Variants in UNC13C observed in about 807,000 individuals in gnomAD.
UNC13C encodes the protein unc-13 homolog C, also known as protein unc-13 homolog C.
UNC13C carries 174 observed loss-of-function variants against 245.4 expected under a neutral mutation model. The observed-to-expected ratio is 0.71, with a 90% CI of 0.63 to 0.80. The LOEUF (loss-of-function observed/expected upper bound fraction) is 0.80. Ranked by LOEUF, UNC13C falls within the 30% of genes least tolerant of loss-of-function variation. UNC13C has a pLI of 0.00. For missense variants in UNC13C, 2,829 were observed against 2,602.9 expected, an observed-to-expected ratio of 1.09 and a Z score of -1.89; for synonymous variants, 992 against 895.1, an observed-to-expected ratio of 1.11 and a Z score of -1.93.
chr15:54,450,359 G>T (rs1476668322), intron 19 of UNC13C, among the ~76,000 whole-genome samples: 1 of 152,234 alleles, frequency 6.6e-6, no homozygotes, highest in African/African-American at 2.4e-5. Flanking sequence ...GCTATGCCCT[G>T]CCCCCAGAGG....
chr15:53,905,094 A>C, the UNC13C span, among the ~76,000 whole-genome samples: 8 of 152,154 alleles, frequency 5.3e-5, no homozygotes, highest in Non-Finnish European at 2.9e-5. Context: ...GCTTAAGTTT[A>C]GGTTTTAAAA....
the UNC13C span, among the ~76,000 whole-genome samples, chr15:53,930,595 A>G: frequency 6.6e-6 from 1 of 152,224 alleles, no homozygotes; most frequent in East Asian, 1.9e-4. Context: ...TGGTACTTAT[A>G]AAACACCCTA....
At chr15:54,203,737 C>CATATATATGTATATATACACATATAT (rs1366216842) in intron 4 of UNC13C, among the ~76,000 whole-genome samples, 1 of 100,504 alleles carries the variant, frequency 9.9e-6, no homozygotes, top group African/African-American at 3.0e-5. Context: ...TACACATATA[C>CATATATATGTATATATACACATATAT]ATATATATGT....
rs1427898440 is a variant in UNC13C at position 54,628,288 on chromosome 15, A to C, written c.*1175A>C. 6.6e-6 allele frequency: 1 copy of C among 152,246 alleles called. No individual in the cohort carries two copies. The highest frequency in any genetic ancestry group is 1.9e-4 in the East Asian group (1 of 5,196). The allele number at this position is 152,246 out of a possible 1,614,324, so 9.4% of individuals were successfully genotyped here. ...GACTTTTTAGAGTCTATGCCAAAAT[A>C]TATGGCTGTAAAACAGTACTTTGTA... On this transcript the variant is annotated 3_prime_UTR_variant, in exon 33 of 33. Coordinates refer to ENST00000260323, the MANE Select transcript of UNC13C (RefSeq NM_001080534.3).
intron 17 of UNC13C, among the ~76,000 whole-genome samples, chr15:54,342,431 G>C (rs1021092678): frequency 1.3e-5 from 2 of 151,778 alleles, no homozygotes; most frequent in Admixed American, 1.3e-4. Flanking sequence ...TGTGTATGGT[G>C]GTATGTGTCT....
At chr15:54,045,381 C>T (rs1397352859) in intron 2 of UNC13C, among the ~76,000 whole-genome samples, 1 of 152,148 alleles carries the variant, frequency 6.6e-6, no homozygotes, top group African/African-American at 2.4e-5. Context: ...ACACATTTTT[C>T]TTAAAAGATA....
At chr15:53,883,105 A>G in the UNC13C span, among the ~76,000 whole-genome samples, 4 of 152,210 alleles carry the variant, frequency 2.6e-5, no homozygotes, top group Admixed American at 1.3e-4. Context: ...CACTATAGCT[A>G]CCACACCAGA....
the UNC13C span, among the ~76,000 whole-genome samples, chr15:53,949,816 A>C: frequency 1.3e-5 from 2 of 152,212 alleles, no homozygotes; most frequent in Admixed American, 1.3e-4. Flanking sequence ...CAAGATTCTT[A>C]TGTATACTAA....
chr15:54,520,814 A>G (rs1251545051), intron 24 of UNC13C, among the ~76,000 whole-genome samples: 1 of 152,212 alleles, frequency 6.6e-6, no homozygotes, highest in Non-Finnish European at 1.5e-5. Context: ...AGCAAGCCAC[A>G]TTGCAGAGAA....
At chr15:54,282,926 A>G (rs2037037060) in intron 10 of UNC13C, among the ~76,000 whole-genome samples, 1 of 152,192 alleles carries the variant, frequency 6.6e-6, no homozygotes, top group African/African-American at 2.4e-5. Context: ...TGGGGTCTTT[A>G]TAGGCACAGG....
intron 2 of UNC13C, among the ~76,000 whole-genome samples, chr15:54,032,370 G>C (rs1566963063): frequency 6.6e-6 from 1 of 152,158 alleles, no homozygotes. Flanking sequence ...TGCTTGGACA[G>C]GCCTAACAGC....
chr15:54,514,113 C>T (rs751648301), intron 24 of UNC13C, among the ~76,000 whole-genome samples: 5 of 152,148 alleles, frequency 3.3e-5, no homozygotes, highest in Admixed American at 3.3e-4. Context: ...AAATAATAAG[C>T]AGAGTTCTTC....
chr15:54,305,443 A>G (rs904504866), intron 13 of UNC13C, among the ~76,000 whole-genome samples: 3 of 152,076 alleles, frequency 2.0e-5, no homozygotes, highest in African/African-American at 4.8e-5. Context: ...TTTTAAAATG[A>G]TGCTTTTGCA....
intron 4 of UNC13C, among the ~76,000 whole-genome samples, chr15:54,197,766 A>T (rs1416582324): frequency 6.6e-6 from 1 of 152,150 alleles, no homozygotes; most frequent in African/African-American, 2.4e-5. Context: ...TACTCACATC[A>T]TGAACTTTTG....
At position 54,127,651 on chromosome 15, in the gene UNC13C, C is replaced by T. The variant is rs28767265; in HGVS notation, c.2984-15367C>T. On this transcript the variant is annotated intron_variant, in intron 2 of 32. Transcript: ENST00000260323. ...AGCAAACCACCATGACACATGTATA[C>T]CTATGTAACAAACCTGCACATTCTG... Among the ~76,000 whole-genome samples, 1,327 of 150,476 alleles carry T rather than the reference C, an allele frequency of 8.8e-3. 25 individuals carry two copies. The highest frequency in any genetic ancestry group is 0.031 in the African/African-American group (1,286 of 40,966).
chr15:54,488,969 A>G (rs1315290454), intron 19 of UNC13C, among the ~76,000 whole-genome samples: 1 of 152,182 alleles, frequency 6.6e-6, no homozygotes, highest in African/African-American at 2.4e-5. Flanking sequence ...AACGCAGTCT[A>G]CCACTAAGCA....
intron 17 of UNC13C, among the ~76,000 whole-genome samples, chr15:54,387,311 A>T (rs2039859754): frequency 6.6e-6 from 1 of 152,132 alleles, no homozygotes; most frequent in Admixed American, 6.6e-5. Context: ...AATTTTCTAG[A>T]AAAGGGATGT....
chr15:54,272,787 T>C (rs2036721164), intron 10 of UNC13C, among the ~76,000 whole-genome samples: 1 of 152,166 alleles, frequency 6.6e-6, no homozygotes, highest in Non-Finnish European at 1.5e-5. Context: ...TGCTTCTCAC[T>C]AGAATCTAAG....
At chr15:54,302,650 A>G (rs12443481) in intron 13 of UNC13C, among the ~76,000 whole-genome samples, 23,224 of 152,100 alleles carry the variant, frequency 0.15, 1,898 homozygotes, top group East Asian at 0.18. Context: ...ATTGGTCTCT[A>G]TATCTGTGTT....
Sources: gnomAD v4.1 joint callset for allele counts (sites outside exome capture counted in the v4.1 genomes callset) on GRCh38, gnomAD v4.1.1 for gene constraint, MANE v1.5 for transcripts, NCBI Gene and HGNC (gene_info 2026-07-23, HGNC 2026-07-21) for gene names.